ST3GAL5: variants seen among roughly 807,000 people sequenced by gnomAD.
ST3GAL5 encodes ST3 beta-galactoside alpha-2,3-sialyltransferase 5, also known as lactosylceramide alpha-2,3-sialyltransferase.
ST3GAL5 carries 25 observed loss-of-function variants against 46.1 expected under a neutral mutation model. That is an observed-to-expected ratio of 0.54 (90% CI 0.40 to 0.76). ST3GAL5 has a LOEUF of 0.76. Ranked by LOEUF, ST3GAL5 falls within the 30% of genes least tolerant of loss-of-function variation. The pLI is 0.00. For synonymous variants in ST3GAL5, 182 were observed against 192.7 expected (o/e 0.94, Z 0.46); for missense variants, 431 against 521.2 (o/e 0.83, Z 1.69).
intron 3 of ST3GAL5, chr2:85,851,764 G>C: frequency 7.8e-7 from 1 of 1,277,520 alleles, no homozygotes; most frequent in South Asian, 1.2e-5. Flanking sequence ...TCCCAGGAAG[G>C]CCTCAGAGGC....
intron 1 of ST3GAL5, among the ~76,000 whole-genome samples, chr2:85,879,633 C>T (rs951397932): frequency 3.9e-5 from 6 of 152,096 alleles, no homozygotes; most frequent in Non-Finnish European, 7.4e-5. Context: ...CCATGAATAC[C>T]CCAAATAAGG....
intron 1 of ST3GAL5, among the ~76,000 whole-genome samples, chr2:85,871,367 C>T (rs1401991309): frequency 6.6e-6 from 1 of 152,200 alleles, no homozygotes; most frequent in African/African-American, 2.4e-5. Context: ...AACACTAGAA[C>T]TTATTTCTGT....
chr2:85,840,698 C>T (rs1038891559), intron 6 of ST3GAL5, among the ~76,000 whole-genome samples: 1 of 152,092 alleles, frequency 6.6e-6, no homozygotes, highest in African/African-American at 2.4e-5. Flanking sequence ...GTAATCCCAG[C>T]ACTCTGGGAG....
intron 1 of ST3GAL5, among the ~76,000 whole-genome samples, chr2:85,881,445 A>G (rs1251145672): frequency 6.6e-6 from 1 of 152,200 alleles, no homozygotes; most frequent in Non-Finnish European, 1.5e-5. Context: ...GAAAGTTTGG[A>G]ATTTTCTGGA....
chr2:85,872,866 C>T (rs756602871), intron 1 of ST3GAL5, among the ~76,000 whole-genome samples: 1 of 152,172 alleles, frequency 6.6e-6, no homozygotes, highest in Non-Finnish European at 1.5e-5. Flanking sequence ...CAAAGGAGAA[C>T]GGAAGACAAG....
chr2:85,850,604 TAGGCCCGA>T (rs1683377311), intron 3 of ST3GAL5: 1 of 152,262 alleles, frequency 6.6e-6, no homozygotes, highest in Admixed American at 6.5e-5. Flanking sequence ...CTCAAAACCC[TAGGCCCGA>T]AGGTCATGAA....
At chr2:85,855,904 C>T (rs1684046783) in intron 3 of ST3GAL5, 1 of 152,202 alleles carries the variant, frequency 6.6e-6, no homozygotes, top group African/African-American at 2.4e-5. Flanking sequence ...TATCACTTAA[C>T]ATCTATCAGG....
At chr2:85,840,533 C>T in intron 6 of ST3GAL5, 141 bp from the exon 7 acceptor site, 2 of 902,530 alleles carry the variant, frequency 2.2e-6, no homozygotes, top group South Asian at 2.9e-5. Context: ...TTTTATACAT[C>T]ATGAACTTTA....
intron 1 of ST3GAL5, among the ~76,000 whole-genome samples, chr2:85,864,630 T>C (rs1233528367): frequency 6.6e-6 from 1 of 152,142 alleles, no homozygotes; most frequent in Non-Finnish European, 1.5e-5. Context: ...AAAAACACTT[T>C]TCTTAAAAAA....
At chr2:85,883,962 A>T (rs1280453324) in intron 1 of ST3GAL5, among the ~76,000 whole-genome samples, 2 of 152,136 alleles carry the variant, frequency 1.3e-5, no homozygotes, top group African/African-American at 4.8e-5. Flanking sequence ...GGCCCCTAAG[A>T]TCACCCTCGC....
chr2:85,885,985 A>G (rs1687711364), intron 1 of ST3GAL5, among the ~76,000 whole-genome samples: 1 of 152,210 alleles, frequency 6.6e-6, no homozygotes, highest in Non-Finnish European at 1.5e-5. Context: ...TAACAGACAA[A>G]TGCTGCAAAC....
intron 1 of ST3GAL5, among the ~76,000 whole-genome samples, chr2:85,878,842 A>G (rs187367491): frequency 5.9e-5 from 9 of 152,308 alleles, no homozygotes; most frequent in African/African-American, 2.2e-4. Context: ...AGGCTCCATC[A>G]GAGGAAATCA....
At chr2:85,843,893 C>T (rs1464308888) in intron 6 of ST3GAL5, among the ~76,000 whole-genome samples, 1 of 152,096 alleles carries the variant, frequency 6.6e-6, no homozygotes, top group Non-Finnish European at 1.5e-5. Flanking sequence ...TGAGATGAGA[C>T]CCAGGCATTA....
intron 6 of ST3GAL5, 199 bp from the exon 7 acceptor site, chr2:85,840,591 T>C (rs1681908027): frequency 1.6e-6 from 1 of 634,746 alleles, no homozygotes. Context: ...TAAAACATGG[T>C]CTGTGATGTT....
chr2:85,841,401 C>T (rs1353227178), intron 6 of ST3GAL5, among the ~76,000 whole-genome samples: 2 of 152,058 alleles, frequency 1.3e-5, no homozygotes, highest in Middle Eastern at 3.2e-3. Flanking sequence ...GGCGCGATCA[C>T]GGCTCACTGC....
chr2:85,841,169 G>C (rs1260195450), intron 6 of ST3GAL5, among the ~76,000 whole-genome samples: 1 of 151,986 alleles, frequency 6.6e-6, no homozygotes, highest in African/African-American at 2.4e-5. Flanking sequence ...CCTGAGAACA[G>C]AGGATTCTCA....
chr2:85,881,555 C>A (rs984322858), intron 1 of ST3GAL5, among the ~76,000 whole-genome samples: 2 of 152,208 alleles, frequency 1.3e-5, no homozygotes, highest in Non-Finnish European at 2.9e-5. Context: ...TTGTTGGGAA[C>A]TGAAGCAAAG....
At chr2:85,883,545 G>C (rs1687422918) in intron 1 of ST3GAL5, among the ~76,000 whole-genome samples, 1 of 152,230 alleles carries the variant, frequency 6.6e-6, no homozygotes, top group African/African-American at 2.4e-5. Context: ...GAACGTTTCT[G>C]CCCAGGCCTG....
chr2:85,864,600 AAG>A (rs754327649), intron 1 of ST3GAL5, among the ~76,000 whole-genome samples: 9 of 152,046 alleles, frequency 5.9e-5, no homozygotes, highest in African/African-American at 1.4e-4. Context: ...AAAAAAGAAA[AAG>A]AGAGAATATG....
Sources: gnomAD v4.1 joint callset for allele counts (sites outside exome capture counted in the v4.1 genomes callset) on GRCh38, gnomAD v4.1.1 for gene constraint, MANE v1.5 for transcripts, NCBI Gene and HGNC (gene_info 2026-07-23, HGNC 2026-07-21) for gene names.